YTHDC2: variants seen among roughly 807,000 people sequenced by gnomAD.
YTHDC2 encodes 3'-5' RNA helicase YTHDC2.
Under a neutral mutation model 174.9 loss-of-function variants are expected in YTHDC2, and 45 were observed. The observed-to-expected ratio is 0.26, with a 90% CI of 0.20 to 0.33. The LOEUF (loss-of-function observed/expected upper bound fraction) is 0.33. Among genes scored for constraint, YTHDC2 ranks in the 10% least tolerant of loss-of-function variants. The pLI, the probability that YTHDC2 is intolerant of heterozygous loss-of-function variation, is 1.00. For missense variants in YTHDC2, 1,650 were observed against 1,723.7 expected, an observed-to-expected ratio of 0.96 and a Z score of 0.76; for synonymous variants, 657 against 574.5, an observed-to-expected ratio of 1.14 and a Z score of -2.05.
rs34217644 is a variant in YTHDC2, at chr5:113,584,773, C to CTTTTTTT, written c.3825+309_3825+315dup. Among the ~76,000 whole-genome samples, 11 of 95,734 alleles carry CTTTTTTT rather than the reference C, an allele frequency of 1.1e-4. 1 individual carries two copies. Among genetic ancestry groups the CTTTTTTT allele is most frequent in the African/African-American group, 3.5e-4 (8 of 22,820 alleles). 62.8% of individuals were successfully genotyped at this position (95,734 alleles called of 152,430 possible). On this transcript the variant is annotated intron_variant, in intron 26 of 29. Coordinates refer to ENST00000161863, the MANE Select transcript of YTHDC2 (RefSeq NM_022828.5). ...ATTTCTTTCCTATTTCTTTCGAATCCTTTTTTTTTTTTTTTTTTTTTGAGG... is the reference window on the plus strand; with the variant it reads ...ATTTCTTTCCTATTTCTTTCGAATCCTTTTTTTTTTTTTTTTTTTTTTTTTTTTGAGG...
At chr5:113,545,771 C>T (rs1470496689) in intron 10 of YTHDC2, among the ~76,000 whole-genome samples, 7 of 38,914 alleles carry the variant, frequency 1.8e-4, no homozygotes, top group Non-Finnish European at 2.7e-4. Context: ...GACGGAGTCT[C>T]GCTCTGTTGC....
chr5:113,542,278 G>T, intron 9 of YTHDC2, 90 bp from the exon 10 acceptor site: 1 of 1,327,186 alleles, frequency 7.5e-7, no homozygotes, highest in Non-Finnish European at 1.1e-6. Flanking sequence ...AGGATTAGTA[G>T]TCCTGATGGC....
chr5:113,538,375 A>G (rs531755775), intron 7 of YTHDC2, among the ~76,000 whole-genome samples: 10 of 152,288 alleles, frequency 6.6e-5, no homozygotes, highest in South Asian at 4.1e-4. Flanking sequence ...GGATAAAGAC[A>G]TAAACCCTTA....
chr5:113,546,140 T>TG (rs1775874580), intron 10 of YTHDC2, among the ~76,000 whole-genome samples: 1 of 152,252 alleles, frequency 6.6e-6, no homozygotes, highest in African/African-American at 2.4e-5. Context: ...TTTTAAAAAA[T>TG]ATTTACTCTG....
rs182131401 is a variant in YTHDC2 at position 113,574,624 on chromosome 5, A to G, written c.3245-4962A>G. Reference sequence around the variant, plus strand: ...GGGAACTCGGCCCCATCTCAGACAGACCAACCCACTGCTGTTGGCTGGCTG... The same window carrying G: ...GGGAACTCGGCCCCATCTCAGACAGGCCAACCCACTGCTGTTGGCTGGCTG... On this transcript the variant is annotated intron_variant, in intron 23 of 29. Coordinates refer to ENST00000161863, the MANE Select transcript of YTHDC2 (RefSeq NM_022828.5). 3.3e-5 allele frequency among the ~76,000 whole-genome samples: 5 copies of G among 152,198 alleles called. No individual in the cohort carries two copies. In the East Asian group the frequency reaches 9.7e-4, roughly 29 times the overall value.
chr5:113,517,155 A>G (rs182467389), intron 2 of YTHDC2, among the ~76,000 whole-genome samples: 5 of 152,312 alleles, frequency 3.3e-5, no homozygotes, highest in East Asian at 1.9e-4. Flanking sequence ...AGTCACATTT[A>G]TATTTTTGCT....
chr5:113,523,225 T>G (rs1773997554), intron 2 of YTHDC2, among the ~76,000 whole-genome samples: 1 of 152,126 alleles, frequency 6.6e-6, no homozygotes, highest in South Asian at 2.1e-4. Context: ...TTTAAGAAAA[T>G]TAAAGCATCT....
chr5:113,592,189 G>A lies in YTHDC2; in HGVS notation c.4212+11G>A. 1 of 1,516,228 alleles carries A rather than the reference G, an allele frequency of 6.6e-7. No homozygotes were observed. The highest frequency in any genetic ancestry group is 2.2e-5 in the Admixed American group (1 of 45,350). 93.9% of individuals were successfully genotyped at this position (1,516,228 alleles called of 1,614,324 possible). ...AGCAGGGATGGGCAGGTATACAATG[G>A]CATTTTTTTTTTTATTTACTTTTGT... is the stretch of plus-strand genomic sequence containing the variant. On this transcript the variant is annotated intron_variant, in intron 28 of 29. Transcript: ENST00000161863.
intron 5 of YTHDC2, 70 bp downstream of exon 5, chr5:113,533,115 T>C: frequency 6.5e-7 from 1 of 1,529,214 alleles, no homozygotes; most frequent in Non-Finnish European, 8.9e-7. Context: ...TCACTAAAAA[T>C]AGAGGATGTG....
intron 5 of YTHDC2, among the ~76,000 whole-genome samples, chr5:113,533,607 G>A (rs1774846517): frequency 6.6e-6 from 1 of 151,856 alleles, no homozygotes. Context: ...ACCTCTTTGA[G>A]CCTCAGTGTT....
intron 20 of YTHDC2, among the ~76,000 whole-genome samples, chr5:113,564,734 G>T (rs1777219468): frequency 6.6e-6 from 1 of 152,130 alleles, no homozygotes; most frequent in South Asian, 2.1e-4. Flanking sequence ...CAGATATGTG[G>T]GGAAGAATAT....
At chr5:113,560,753 T>C (rs1048435562) in intron 17 of YTHDC2, among the ~76,000 whole-genome samples, 1 of 152,202 alleles carries the variant, frequency 6.6e-6, no homozygotes, top group African/African-American at 2.4e-5. Context: ...CTCAGTAAAA[T>C]TGATTGAATT....
At chr5:113,530,737 T>A (rs6594730) in intron 4 of YTHDC2, among the ~76,000 whole-genome samples, 137,598 of 151,048 alleles carry the variant, frequency 0.91, 62,768 homozygotes, top group East Asian at 0.97. Flanking sequence ...GTTAAAAAAA[T>A]TTTTTTTTTT....
chr5:113,567,111 T>C lies in YTHDC2; in HGVS notation c.2862T>C (p.Gly954=). 6.2e-7 allele frequency: 1 copy of C among 1,613,574 alleles called. No homozygotes were observed. Among genetic ancestry groups the C allele is most frequent in the Non-Finnish European group, 8.5e-7 (1 of 1,179,796 alleles). ...CTCTAGGTTTTGTTAGAGCACGAGG[T>C]GGTGGTGACATTCGGGACGTTAACA... ...LRASGFVRAR[G]GGDIRDVNTN... The change falls in exon 22 of 30, where the codon GGT becomes GGC. Residue 954 remains glycine (G), a synonymous_variant. Coordinates refer to ENST00000161863, the MANE Select transcript of YTHDC2 (RefSeq NM_022828.5).
intron 12 of YTHDC2, among the ~76,000 whole-genome samples, chr5:113,551,704 A>G (rs146278301): frequency 2.0e-5 from 3 of 152,300 alleles, no homozygotes; most frequent in South Asian, 2.1e-4. Context: ...GTGTATACCT[A>G]TGTAACAAAC....
At chr5:113,563,641 A>C in intron 19 of YTHDC2, 149 bp downstream of exon 19, 1 of 1,038,388 alleles carries the variant, frequency 9.6e-7, no homozygotes, top group Non-Finnish European at 1.3e-6. Context: ...ACTTTTAAAC[A>C]ATTATCTTAA....
At chr5:113,516,792 A>G (rs1287133885) in intron 2 of YTHDC2, among the ~76,000 whole-genome samples, 1 of 152,210 alleles carries the variant, frequency 6.6e-6, no homozygotes, top group African/African-American at 2.4e-5. Context: ...AAATATTCAG[A>G]TGGTCCCAAA....
rs765819908 is a variant in YTHDC2 at position 113,558,586 on chromosome 5, CAGAT to C, written c.2216+2455_2216+2458del. Among the ~76,000 whole-genome samples, 27 of 152,140 alleles carry C rather than the reference CAGAT, an allele frequency of 1.8e-4. 3 individuals carry two copies. The highest frequency in any genetic ancestry group is 7.2e-4 in the Admixed American group (11 of 15,290). On this transcript the variant is annotated intron_variant, in intron 17 of 29. Transcript: ENST00000161863. ...AAAAATCGGACAGTAGTGCCATAGT[CAGAT>C]AGGGAAAATTGGAAGAGTGTTTTCA... is the stretch of plus-strand genomic sequence containing the variant.
chr5:113,551,916 A>G (rs765557558), intron 12 of YTHDC2, among the ~76,000 whole-genome samples: 4 of 152,172 alleles, frequency 2.6e-5, no homozygotes, highest in Non-Finnish European at 4.4e-5. Context: ...GCAGTAGTTT[A>G]CATTTTTACA....
Sources: allele counts gnomAD v4.1 joint callset (sites outside exome capture counted in the v4.1 genomes callset), GRCh38; gene constraint gnomAD v4.1.1; transcripts MANE v1.5; gene names NCBI Gene and HGNC (gene_info 2026-07-23, HGNC 2026-07-21).